The following GLI3 variants were observed in gnomAD, a reference collection of about 807,000 sequenced individuals.
GLI3 encodes the protein GLI family zinc finger 3.
A neutral mutation model predicts 100.8 loss-of-function variants in GLI3; 20 were observed. That is an observed-to-expected ratio of 0.20 (90% CI 0.14 to 0.29). The LOEUF (loss-of-function observed/expected upper bound fraction) is 0.29. GLI3 is among the 10% of genes least tolerant of loss of function. The probability of loss-of-function intolerance (pLI) is 1.00; values close to 1 mark genes in which losing one functional copy is unlikely to be tolerated. For missense variants in GLI3, 2,040 were observed against 2,128.5 expected (o/e 0.96, Z 0.82); for synonymous variants, 938 against 860.5 (o/e 1.09, Z -1.58).
chr7:42,092,629 G>A (rs13241999), intron 3 of GLI3, among the ~76,000 whole-genome samples: 35,571 of 151,920 alleles, frequency 0.23, 4,397 homozygotes, highest in Admixed American at 0.36. Flanking sequence ...GGCAAGCCCC[G>A]ACTCTCAGTC....
intron 6 of GLI3, among the ~76,000 whole-genome samples, chr7:42,042,175 G>A (rs1203571374): frequency 2.6e-5 from 4 of 151,960 alleles, no homozygotes; most frequent in Admixed American, 2.6e-4. Flanking sequence ...ACCACGCCCG[G>A]ATAATTTTTT....
intron 2 of GLI3, among the ~76,000 whole-genome samples, chr7:42,218,624 A>C (rs1284398114): frequency 6.6e-6 from 1 of 152,134 alleles, no homozygotes; most frequent in Non-Finnish European, 1.5e-5. Context: ...CCTTGAAGAA[A>C]ATAATTTTTT....
intron 2 of GLI3, among the ~76,000 whole-genome samples, chr7:42,167,346 T>A (rs1201972293): frequency 1.3e-5 from 2 of 152,216 alleles, no homozygotes; most frequent in African/African-American, 4.8e-5. Context: ...TGATTTTCCA[T>A]CTGTTCCATG....
rs1233353737 is a variant in GLI3, at chr7:41,965,320, G to A, written c.3753C>T (p.Ala1251=). ...GNAFHEQPCK[A]PQYGNCLNRQ... ...TGTTGAGACAGTTCCCATACTGCGG[G>A]GCCTTACAGGGCTGTTCATGGAAGG... The change falls in exon 15 of 15, where the codon GCC becomes GCT. Residue 1251 remains alanine, a synonymous_variant. Transcript: ENST00000395925. 1.2e-6 allele frequency: 2 copies of A among 1,613,816 alleles called. No homozygotes were observed. Among genetic ancestry groups the A allele is most frequent in the African/African-American group, 1.3e-5 (1 of 74,928 alleles).
intron 4 of GLI3, 31 bp from the exon 5 acceptor site, chr7:42,048,727 T>C: frequency 7.2e-7 from 1 of 1,395,334 alleles, no homozygotes; most frequent in Non-Finnish European, 1.0e-6. Flanking sequence ...ATACAAGGGG[T>C]ATGCATGAGA....
Position 41,961,749 on chromosome 7 carries a change from A to T in GLI3, c.*2581T>A, listed in dbSNP as rs1393533619. 2 of 152,166 alleles carry T rather than the reference A, an allele frequency of 1.3e-5. No individual in the cohort carries two copies. The highest frequency in any genetic ancestry group is 1.3e-4 in the Admixed American group (2 of 15,272). 9.4% of individuals were successfully genotyped at this position (152,166 alleles called of 1,614,324 possible). A position where few individuals can be genotyped will look rare whatever the true frequency, so the allele number is the denominator to read the frequency against. On this transcript the variant is annotated 3_prime_UTR_variant, in exon 15 of 15. Coordinates refer to ENST00000395925, the MANE Select transcript of GLI3 (RefSeq NM_000168.6). The stretch of plus-strand genomic sequence containing the variant: ...GATATGAGATGCCTAGCCTACAGAG[A>T]TCCCAAAAGGATGTCCCAAAAAGAT...
intron 1 of GLI3, among the ~76,000 whole-genome samples, chr7:42,261,344 G>A (rs931048514): frequency 4.6e-5 from 7 of 152,104 alleles, no homozygotes; most frequent in Non-Finnish European, 8.8e-5. Flanking sequence ...CACCCCCATA[G>A]ATCAAATACC....
intron 1 of GLI3, among the ~76,000 whole-genome samples, chr7:42,252,953 G>T (rs1159877787): frequency 6.6e-6 from 1 of 152,190 alleles, no homozygotes; most frequent in Non-Finnish European, 1.5e-5. Context: ...TGGTACAAAA[G>T]TTGAAATTAT....
intron 4 of GLI3, among the ~76,000 whole-genome samples, chr7:42,069,196 T>C (rs1056100610): frequency 2.3e-4 from 35 of 152,222 alleles, no homozygotes; most frequent in African/African-American, 8.4e-4. Flanking sequence ...AGACTCTGAA[T>C]ATACACTATA....
At chr7:42,148,863 C>G (rs1786786998) in intron 2 of GLI3, among the ~76,000 whole-genome samples, 1 of 152,324 alleles carries the variant, frequency 6.6e-6, no homozygotes, top group Non-Finnish European at 1.5e-5. Flanking sequence ...TCCAGCTTCC[C>G]TTTGCCTGCC....
In GLI3 at chr7:42,028,470, A is replaced by G. The variant is rs910244971; in HGVS notation, c.1029-2058T>C. On this transcript the variant is annotated intron_variant, in intron 7 of 14. Coordinates refer to ENST00000395925, the MANE Select transcript of GLI3 (RefSeq NM_000168.6). ...ACGGATAAGGGAAGTGCATTTTAAA[A>G]AAGATGTAGGAGGCCGGGCGCGGTG... Among the ~76,000 whole-genome samples, 7 of 152,302 alleles carry G rather than the reference A, an allele frequency of 4.6e-5. No individual in the cohort carries two copies. In the East Asian group the frequency reaches 9.7e-4, roughly 21 times the overall value.
intron 3 of GLI3, among the ~76,000 whole-genome samples, chr7:42,097,646 G>A (rs532541474): frequency 6.6e-6 from 1 of 152,314 alleles, no homozygotes; most frequent in Non-Finnish European, 1.5e-5. Flanking sequence ...TTAACAAAAT[G>A]TCTCTCTCAA....
intron 2 of GLI3, among the ~76,000 whole-genome samples, chr7:42,189,472 A>G (rs1787783561): frequency 6.6e-6 from 1 of 152,222 alleles, no homozygotes; most frequent in Non-Finnish European, 1.5e-5. Flanking sequence ...ACCCTTATAA[A>G]AGCAAGGAGT....
At chr7:42,050,208 C>T (rs534056418) in intron 4 of GLI3, among the ~76,000 whole-genome samples, 2 of 152,002 alleles carry the variant, frequency 1.3e-5, no homozygotes, top group African/African-American at 4.8e-5. Flanking sequence ...TTATTTGTTA[C>T]TTAGATGCTA....
chr7:42,149,895 A>T (rs1786814723), intron 2 of GLI3: 3 of 152,238 alleles, frequency 2.0e-5, no homozygotes, highest in Non-Finnish European at 1.5e-5. Flanking sequence ...CTTGCATAAA[A>T]ATACAAACCG....
chr7:42,168,459 T>C (rs1178643056), intron 2 of GLI3, among the ~76,000 whole-genome samples: 1 of 152,160 alleles, frequency 6.6e-6, no homozygotes, highest in African/African-American at 2.4e-5. Flanking sequence ...CAAATGTCCA[T>C]TAGCAGTAGG....
At chr7:42,099,153 C>T (rs1038488017) in intron 3 of GLI3, among the ~76,000 whole-genome samples, 2 of 152,198 alleles carry the variant, frequency 1.3e-5, no homozygotes, top group African/African-American at 4.8e-5. Flanking sequence ...ATAGGGATCC[C>T]TGGACATGCC....
intron 10 of GLI3, among the ~76,000 whole-genome samples, chr7:41,992,706 A>T (rs536649663): frequency 1.3e-5 from 2 of 152,314 alleles, no homozygotes; most frequent in South Asian, 4.1e-4. Flanking sequence ...CAAAGGACAC[A>T]GTAAATGGCA....
At chr7:42,193,689 A>G (rs1189732046) in intron 2 of GLI3, among the ~76,000 whole-genome samples, 1 of 152,078 alleles carries the variant, frequency 6.6e-6, no homozygotes, top group Non-Finnish European at 1.5e-5. Flanking sequence ...ACTCAATATT[A>G]CCTGTGGTTT....
Sources: gnomAD v4.1 joint callset for allele counts (sites outside exome capture counted in the v4.1 genomes callset) on GRCh38, gnomAD v4.1.1 for gene constraint, MANE v1.5 for transcripts, NCBI Gene and HGNC (gene_info 2026-07-23, HGNC 2026-07-21) for gene names.